ATP2A1: variants seen among roughly 807,000 people sequenced by gnomAD.
ATP2A1 encodes ATPase sarcoplasmic/endoplasmic reticulum Ca2+ transporting 1, also known as sarcoplasmic/endoplasmic reticulum calcium ATPase 1.
Under a neutral mutation model 109.5 loss-of-function variants are expected in ATP2A1, and 83 were observed. That is an observed-to-expected ratio of 0.76 (90% CI 0.63 to 0.91). ATP2A1 has a LOEUF of 0.91. Ranked by LOEUF, ATP2A1 falls within the 40% of genes least tolerant of loss-of-function variation. The pLI is 0.00. For missense variants in ATP2A1, 1,101 were observed against 1,341.0 expected (o/e 0.82, Z 2.80); for synonymous variants, 505 against 537.6 (o/e 0.94, Z 0.84).
At position 28,903,354 on chromosome 16, in the gene ATP2A1, C is replaced by G. The variant is rs1420896017; in HGVS notation, c.2894C>G (p.Thr965Ser). The G allele has an allele frequency of 2.2e-5, 35 of 1,613,876 alleles. No homozygotes were observed. Among genetic ancestry groups the G allele is most frequent in the Non-Finnish European group, 3.0e-5 (35 of 1,179,944 alleles). ...MIFKLRALDLTQWLMVLKISL... is the reference protein window; with the variant it reads ...MIFKLRALDLSQWLMVLKISL... ...TTCAAGCTCCGGGCCCTGGACCTCA[C>G]CCAGTGGCTCATGGTCCTCAAGATC... is the stretch of plus-strand genomic sequence containing the variant. Residue 965 changes from threonine to serine, a missense_variant, in exon 21 of 23, where the codon ACC becomes AGC. Physicochemically the swap from Thr to Ser is moderately conservative, Grantham distance 58. Transcript: ENST00000395503. The surrounding 1 kb of genome is among the most constrained non-coding windows in gnomAD (Gnocchi z 5.6).
At chr16:28,886,170 A>G (rs1963609256) in intron 6 of ATP2A1, among the ~76,000 whole-genome samples, 1 of 151,962 alleles carries the variant, frequency 6.6e-6, no homozygotes, top group Admixed American at 6.6e-5. Flanking sequence ...CCCCATCTCT[A>G]TAAAATTTTT....
At chr16:28,895,000 G>A (rs749917631) in intron 12 of ATP2A1, 47 bp downstream of exon 12, 2 of 1,604,548 alleles carry the variant, frequency 1.2e-6, no homozygotes, top group East Asian at 2.2e-5. Flanking sequence ...ACTCTATGCT[G>A]CATAGACTAG....
chr16:28,879,708 G>A (rs1427069213), intron 3 of ATP2A1, 125 bp downstream of exon 3: 29 of 1,162,748 alleles, frequency 2.5e-5, no homozygotes, highest in Non-Finnish European at 3.4e-5. Context: ...AGACGGGGCG[G>A]GCTGGCGCGC....
intron 12 of ATP2A1, 50 bp downstream of exon 12, chr16:28,895,003 T>C (rs754862763): frequency 6.9e-6 from 11 of 1,603,680 alleles, no homozygotes; most frequent in Non-Finnish European, 9.3e-6. Context: ...CTATGCTGCA[T>C]AGACTAGAGG....
Position 28,878,768 on chromosome 16 carries a change from C to A in ATP2A1, c.97C>A (p.Leu33Met). ...CACCCCGGACCAAGTTAAGCGGAAT[C>A]TGGAGAAATACGGCCTCAATGGTAA... ...GLTPDQVKRN[L>M]EKYGLNELPA... Residue 33 changes from leucine to methionine, a missense_variant, in exon 1 of 23, where the codon CTG (leucine) becomes ATG (methionine). Coordinates refer to ENST00000395503, the MANE Select transcript of ATP2A1 (RefSeq NM_004320.6). The A allele has an allele frequency of 6.2e-7, 1 of 1,613,996 alleles. No individual in the cohort carries two copies. The highest frequency in any genetic ancestry group is 1.1e-5 in the South Asian group (1 of 91,048).
chr16:28,881,351 T>G, intron 4 of ATP2A1: 1 of 410,550 alleles, frequency 2.4e-6, no homozygotes, highest in Non-Finnish European at 4.6e-6. Context: ...CTAGCTTGAT[T>G]TCCTTCTTCC....
intron 1 of ATP2A1, 118 bp from the exon 2 acceptor site, chr16:28,878,981 G>T: frequency 6.9e-7 from 1 of 1,459,012 alleles, no homozygotes; most frequent in Non-Finnish European, 9.6e-7. Flanking sequence ...AGGTTTTAAT[G>T]GGATGAACTT....
chr16:28,882,110 T>TC (rs1963503643), intron 4 of ATP2A1, among the ~76,000 whole-genome samples: 1 of 141,436 alleles, frequency 7.1e-6, no homozygotes, highest in Non-Finnish European at 1.5e-5. Flanking sequence ...CTTTTTTTTT[T>TC]TTTTTTTTTT....
chr16:28,885,836 T>C (rs994098470), intron 6 of ATP2A1, among the ~76,000 whole-genome samples: 1 of 151,940 alleles, frequency 6.6e-6, no homozygotes, highest in Non-Finnish European at 1.5e-5. Flanking sequence ...GCCATGAGAT[T>C]CTAGGACAAG....
intron 2 of ATP2A1, 153 bp from the exon 3 acceptor site, chr16:28,879,330 CCGAGTCTGTTTCTGGACT>C: frequency 1.2e-6 from 1 of 845,022 alleles, no homozygotes; most frequent in Non-Finnish European, 1.9e-6. Flanking sequence ...CCCCACTTTG[CCGAGTCTGTTTCTGGACT>C]CCAGGCGAGC....
intron 9 of ATP2A1, among the ~76,000 whole-genome samples, chr16:28,893,080 C>G (rs1233535392): frequency 6.7e-6 from 1 of 150,004 alleles, no homozygotes; most frequent in Non-Finnish European, 1.5e-5. Context: ...AGTCAAGAGG[C>G]TGGGCATGGT....
In ATP2A1 at chr16:28,900,308, CA is replaced by C. The variant is rs1015375883; in HGVS notation, c.1765-262del. Among the ~76,000 whole-genome samples the C allele has an allele frequency of 0.053, 7,648 of 143,470 alleles. 654 individuals are homozygous for C. The highest frequency in any genetic ancestry group is 0.18 in the African/African-American group (7,195 of 39,596). The allele number at this position is 143,470 out of a possible 152,430, so 94.1% of individuals were successfully genotyped here. On this transcript the variant is annotated intron_variant, in intron 14 of 22. Transcript: ENST00000395503. ...TGGGTGACAGAGCAATACCCTGTCT[CA>C]AAAAAAAAAAGATACGATCTGACCC... is the stretch of plus-strand genomic sequence containing the variant.
In ATP2A1 at chr16:28,900,564, C is replaced by G; in HGVS notation, c.1765-17C>G. On this transcript the variant is annotated splice_polypyrimidine_tract_variant and intron_variant, in intron 14 of 22. Coordinates refer to ENST00000395503, the MANE Select transcript of ATP2A1 (RefSeq NM_004320.6). ...AGATCCCCACCTGACCTGTGGCTCT[C>G]TGCTGTATCTCCCCAGACGGACCTG... is the stretch of plus-strand genomic sequence containing the variant. 1 of 1,545,464 alleles carries G rather than the reference C, an allele frequency of 6.5e-7. No homozygotes were observed. The highest frequency in any genetic ancestry group is 8.7e-7 in the Non-Finnish European group (1 of 1,144,622).
chr16:28,886,990 C>G (rs1305249598), intron 6 of ATP2A1, among the ~76,000 whole-genome samples, 199 bp from the exon 7 acceptor site: 1 of 134,562 alleles, frequency 7.4e-6, no homozygotes, highest in East Asian at 2.1e-4. Flanking sequence ...GCAACTCTGT[C>G]TCAAAAAAAA....
chr16:28,878,992 G>A, intron 1 of ATP2A1, 107 bp from the exon 2 acceptor site: 1 of 1,504,148 alleles, frequency 6.6e-7, no homozygotes, highest in Non-Finnish European at 9.3e-7. Context: ...GGATGAACTT[G>A]ATGAACCTCA....
Position 28,888,878 on chromosome 16 carries a change from G to A in ATP2A1, c.1020G>A (p.Glu340=). The change falls in exon 9 of 23, where the codon GAG becomes GAA. Residue 340 remains glutamate, a synonymous_variant. Coordinates refer to ENST00000395503, the MANE Select transcript of ATP2A1 (RefSeq NM_004320.6). ...NAIVRSLPSV[E]TLGCTSVICS... ...TTGTAAGAAGCTTGCCCTCCGTAGAGACCCTGGGCTGCACCTCTGTCATCT... is the reference window on the plus strand; with the variant it reads ...TTGTAAGAAGCTTGCCCTCCGTAGAAACCCTGGGCTGCACCTCTGTCATCT... The A allele has an allele frequency of 1.2e-6, 2 of 1,614,112 alleles. No homozygotes were observed. The highest frequency in any genetic ancestry group is 8.5e-7 in the Non-Finnish European group (1 of 1,180,018).
chr16:28,894,732 G>A, intron 11 of ATP2A1, 90 bp from the exon 12 acceptor site: 1 of 1,602,184 alleles, frequency 6.2e-7, no homozygotes, highest in Non-Finnish European at 8.5e-7. Flanking sequence ...GGAGGCAGTG[G>A]TTTGCTTCCT....
chr16:28,901,738 C>T lies in ATP2A1; in HGVS notation c.2101-125C>T, dbSNP rs1964079681. On this transcript the variant is annotated intron_variant, in intron 15 of 22. Transcript: ENST00000395503. ...TTGGGAGGCTGAGGCAGGAGGATTG[C>T]TTGAGCCCAGGAGTTCAAGACCAGC... 5 of 859,618 alleles carry T rather than the reference C, an allele frequency of 5.8e-6. No individual in the cohort carries two copies. The South Asian group carries it at 7.4e-5, about 13-fold the overall frequency. 53.2% of individuals were successfully genotyped at this position (859,618 alleles called of 1,614,324 possible). A position where few individuals can be genotyped will look rare whatever the true frequency, so the allele number is the denominator to read the frequency against.
chr16:28,895,177 C>T (rs1156936755), intron 12 of ATP2A1, among the ~76,000 whole-genome samples: 2 of 152,234 alleles, frequency 1.3e-5, no homozygotes, highest in East Asian at 3.8e-4. Flanking sequence ...CACTTCTGCC[C>T]GCTGTGTCCT....
Sources: gnomAD v4.1 joint callset for allele counts (sites outside exome capture counted in the v4.1 genomes callset) on GRCh38, gnomAD v4.1.1 for gene constraint, Gnocchi (gnomAD v3.1) non-coding constraint, MANE v1.5 for transcripts, NCBI Gene and HGNC (gene_info 2026-07-23, HGNC 2026-07-21) for gene names.